CACNA1C: variants seen among roughly 807,000 people sequenced by gnomAD.
The protein encoded by CACNA1C is calcium voltage-gated channel subunit alpha1 C, also known as voltage-dependent L-type calcium channel subunit alpha-1C.
CACNA1C carries 30 observed loss-of-function variants against 229.0 expected under a neutral mutation model. That is an observed-to-expected ratio of 0.13 (90% CI 0.10 to 0.18). The LOEUF is 0.18. CACNA1C is among the 10% of genes least tolerant of loss of function. The probability of loss-of-function intolerance (pLI) is 1.00; values close to 1 mark genes in which losing one functional copy is unlikely to be tolerated. For synonymous variants in CACNA1C, 1,114 were observed against 1,132.5 expected, an observed-to-expected ratio of 0.98 and a Z score of 0.33; for missense variants, 1,658 against 2,845.0, an observed-to-expected ratio of 0.58 and a Z score of 9.49.
At chr12:2,323,263 C>A (rs899422834) in intron 3 of CACNA1C, among the ~76,000 whole-genome samples, 1 of 152,224 alleles carries the variant, frequency 6.6e-6, no homozygotes, top group Non-Finnish European at 1.5e-5. Flanking sequence ...TTTAAGCTCA[C>A]AATCCAGAAA....
chr12:2,409,980 T>C (rs911424778), intron 3 of CACNA1C, among the ~76,000 whole-genome samples: 5 of 152,156 alleles, frequency 3.3e-5, no homozygotes, highest in Non-Finnish European at 7.4e-5. Context: ...GAGAGGTGGA[T>C]GAGCAGGACA....
At chr12:2,587,592 GA>G (rs1422995709) in intron 18 of CACNA1C, among the ~76,000 whole-genome samples, 1 of 152,108 alleles carries the variant, frequency 6.6e-6, no homozygotes, top group Non-Finnish European at 1.5e-5. Flanking sequence ...TCAAAGAGAA[GA>G]ATGTTAATTT....
intron 1 of CACNA1C, chr12:1,997,956 C>T (rs1412329361): frequency 1.9e-6 from 3 of 1,608,706 alleles, no homozygotes; most frequent in Admixed American, 1.7e-5. Context: ...AAATAAGGTT[C>T]CTTCCACATC....
At chr12:2,129,255 A>G (rs147388354) in intron 3 of CACNA1C, among the ~76,000 whole-genome samples, 300 of 152,312 alleles carry the variant, frequency 2.0e-3, no homozygotes, top group Middle Eastern at 6.8e-3. Flanking sequence ...CATCAGGAAC[A>G]TGGCATTTCA....
intron 37 of CACNA1C, among the ~76,000 whole-genome samples, chr12:2,667,425 G>C (rs929455359): frequency 6.6e-6 from 1 of 152,066 alleles, no homozygotes; most frequent in African/African-American, 2.4e-5. Context: ...ATTCGGCTCT[G>C]TGAGAATCCA....
intron 3 of CACNA1C, among the ~76,000 whole-genome samples, chr12:2,277,693 C>T (rs1444851984): frequency 6.6e-6 from 1 of 152,194 alleles, no homozygotes; most frequent in Non-Finnish European, 1.5e-5. Context: ...CAGGCAACAT[C>T]CGAAGGAGCT....
At chr12:2,627,031 C>T (rs753762638) in intron 29 of CACNA1C, among the ~76,000 whole-genome samples, 3 of 152,192 alleles carry the variant, frequency 2.0e-5, no homozygotes, top group Non-Finnish European at 2.9e-5. Context: ...GTGTGTTCCT[C>T]CTGCAACTAG....
At position 2,605,933 on chromosome 12, in the gene CACNA1C, C is replaced by T; in HGVS notation, c.3156+147C>T. On this transcript the variant is annotated intron_variant, in intron 24 of 46. Transcript: ENST00000399655. This position sits in a 1 kb window ranked among gnomAD's most constrained non-coding sequence, Gnocchi z 6.2. ...ACCTCCACCTGCAGCCCGACTCAACCTTCAGACCAGGGTAGGGAGGCGCTA... is the reference window on the plus strand; with the variant it reads ...ACCTCCACCTGCAGCCCGACTCAACTTTCAGACCAGGGTAGGGAGGCGCTA... 3.1e-6 allele frequency: 2 copies of T among 638,192 alleles called. No homozygotes were observed. Among genetic ancestry groups the T allele is most frequent in the Non-Finnish European group, 5.7e-6 (2 of 350,400 alleles). 39.5% of individuals were successfully genotyped at this position (638,192 alleles called of 1,614,324 possible).
intron 11 of CACNA1C, among the ~76,000 whole-genome samples, chr12:2,564,191 AC>A (rs1302862363): frequency 6.6e-6 from 1 of 152,182 alleles, no homozygotes; most frequent in Non-Finnish European, 1.5e-5. Flanking sequence ...ATTTTTGCTT[AC>A]TGCTTACTTT....
At chr12:2,298,288 G>A (rs573900944) in intron 3 of CACNA1C, among the ~76,000 whole-genome samples, 1 of 152,304 alleles carries the variant, frequency 6.6e-6, no homozygotes, top group Admixed American at 6.5e-5. Flanking sequence ...TACAACGCAA[G>A]CATCTCTCAG....
chr12:2,504,946 G>C lies in CACNA1C; in HGVS notation c.1217+1G>C. ...ACTTGGTTCTCGGTGTGCTTAGCGG[G>C]TAAGCAGGACCAAGGAAAAAGGTCT... On this transcript the variant is annotated splice_donor_variant, in intron 8 of 46. Coordinates refer to ENST00000399655, the MANE Select transcript of CACNA1C (RefSeq NM_000719.7). LOFTEE classifies it high-confidence loss of function. The surrounding 1 kb of genome is among the most constrained non-coding windows in gnomAD (Gnocchi z 6.8). 1 of 1,454,554 alleles carries C rather than the reference G, an allele frequency of 6.9e-7. No homozygotes were observed. The highest frequency in any genetic ancestry group is 9.7e-7 in the Non-Finnish European group (1 of 1,034,874). The allele number at this position is 1,454,554 out of a possible 1,614,324, so 90.1% of individuals were successfully genotyped here. A position where few individuals can be genotyped will look rare whatever the true frequency, so the allele number is the denominator to read the frequency against.
rs543477810 is a variant in CACNA1C, at chr12:2,183,919, G to A, written c.477+63489G>A. ...ATGTTCCAGCCTGGTTCCTGTAAAC[G>A]TAAAATCTGTTATGAATTATATCCA... On this transcript the variant is annotated intron_variant, in intron 3 of 46. Transcript: ENST00000399655. 5.3e-5 allele frequency among the ~76,000 whole-genome samples: 8 copies of A among 152,360 alleles called. No homozygotes were observed. In the South Asian group the frequency reaches 8.3e-4, roughly 16 times the overall value.
At chr12:2,106,731 C>G (rs1414069670) in intron 1 of CACNA1C, among the ~76,000 whole-genome samples, 21 of 114,128 alleles carry the variant, frequency 1.8e-4, no homozygotes, top group East Asian at 2.9e-4. Context: ...GCTGGGCGTC[C>G]TGAAGCCACT....
chr12:2,071,717 GT>G (rs1230515706), intron 1 of CACNA1C, among the ~76,000 whole-genome samples: 3 of 152,096 alleles, frequency 2.0e-5, no homozygotes, highest in Admixed American at 6.5e-5. Context: ...CAGTTCACCA[GT>G]TTCCCCCTCA....
chr12:2,285,832 G>A lies in CACNA1C; in HGVS notation c.478-163144G>A, dbSNP rs138953624. Among the ~76,000 whole-genome samples the A allele has an allele frequency of 3.9e-5, 6 of 152,298 alleles. No individual in the cohort carries two copies. Among genetic ancestry groups the A allele is most frequent in the Admixed American group, 1.3e-4 (2 of 15,304 alleles). ...AGGGAGTGTTTTATTAGGAATTTAC[G>A]TTATATGTGCAAGGAATACCACATG... On this transcript the variant is annotated intron_variant, in intron 3 of 46. Coordinates refer to ENST00000399655, the MANE Select transcript of CACNA1C (RefSeq NM_000719.7). This position sits in a 1 kb window ranked among gnomAD's most constrained non-coding sequence, Gnocchi z 4.2.
chr12:2,431,801 C>G (rs941292866), intron 3 of CACNA1C, among the ~76,000 whole-genome samples: 3 of 152,194 alleles, frequency 2.0e-5, no homozygotes, highest in Non-Finnish European at 4.4e-5. Flanking sequence ...GGTGGAGGTA[C>G]AGCTGCCATT....
intron 9 of CACNA1C, among the ~76,000 whole-genome samples, chr12:2,526,709 G>T (rs1383347795): frequency 9.9e-5 from 15 of 152,236 alleles, no homozygotes; most frequent in Admixed American, 6.5e-4. Context: ...TGAATGAATG[G>T]TCTCCGGTGA....
intron 1 of CACNA1C, among the ~76,000 whole-genome samples, chr12:2,061,539 TGCACTGCTG>T (rs71441676): frequency 0.49 from 74,350 of 151,494 alleles, 20,508 homozygotes; most frequent in East Asian, 0.76. Flanking sequence ...TGGAGCCATG[TGCACTGCTG>T]GCACTGCTGC....
At chr12:2,412,305 C>T (rs1413168173) in intron 3 of CACNA1C, among the ~76,000 whole-genome samples, 1 of 152,238 alleles carries the variant, frequency 6.6e-6, no homozygotes, top group African/African-American at 2.4e-5. Flanking sequence ...TAACCTCAGA[C>T]CTGGCTTCTT....
Sources: gnomAD v4.1 joint callset for allele counts (sites outside exome capture counted in the v4.1 genomes callset) on GRCh38, gnomAD v4.1.1 for gene constraint, Gnocchi (gnomAD v3.1) non-coding constraint, MANE v1.5 for transcripts, NCBI Gene and HGNC (gene_info 2026-07-23, HGNC 2026-07-21) for gene names.